The following CIBAR1 variants were observed in gnomAD, a reference collection of about 807,000 sequenced individuals.
CIBAR1 encodes CBY1 interacting BAR domain containing 1.
A neutral mutation model predicts 44.0 loss-of-function variants in CIBAR1; 25 were observed. The observed-to-expected ratio is 0.57, with a 90% confidence interval of 0.41 to 0.79. The LOEUF (loss-of-function observed/expected upper bound fraction) is 0.79, where lower values mean the gene tolerates loss of function less well. Ranked by LOEUF, CIBAR1 falls within the 30% of genes least tolerant of loss-of-function variation. The pLI, the probability that CIBAR1 is intolerant of heterozygous loss-of-function variation, is 0.00. For missense variants in CIBAR1, 278 were observed against 344.8 expected (o/e 0.81, Z 1.53); for synonymous variants, 115 against 119.0 (o/e 0.97, Z 0.22).
At chr8:93,705,202 A>C (rs550621760) in intron 4 of CIBAR1, 192 bp downstream of exon 4, 179 of 502,294 alleles carry the variant, frequency 3.6e-4, no homozygotes, top group African/African-American at 3.4e-3. Flanking sequence ...AAATCCCCTT[A>C]TATTGTTTTA....
chr8:93,703,895 T>G (rs1411689578), intron 3 of CIBAR1, among the ~76,000 whole-genome samples: 1 of 151,852 alleles, frequency 6.6e-6, no homozygotes, highest in African/African-American at 2.4e-5. Flanking sequence ...AAACCCCGTC[T>G]CTACTAAAAA....
intron 6 of CIBAR1, among the ~76,000 whole-genome samples, chr8:93,713,041 T>TG (rs1810893362): frequency 6.9e-6 from 1 of 145,690 alleles, no homozygotes; most frequent in African/African-American, 2.5e-5. Flanking sequence ...TTCTTTTTTT[T>TG]TTTTTTTTCG....
At chr8:93,711,022 A>T (rs752214002) in intron 6 of CIBAR1, among the ~76,000 whole-genome samples, 3 of 152,234 alleles carry the variant, frequency 2.0e-5, no homozygotes, top group Non-Finnish European at 4.4e-5. Flanking sequence ...GGGTAATAGT[A>T]GCCAACCACG....
chr8:93,722,679 G>A (rs1372610968), intron 7 of CIBAR1, among the ~76,000 whole-genome samples: 3 of 151,844 alleles, frequency 2.0e-5, no homozygotes, highest in Non-Finnish European at 4.4e-5. Context: ...CAGCCTGGGT[G>A]ACAGGGTGAG....
At chr8:93,706,574 C>T (rs1810590967) in intron 4 of CIBAR1, among the ~76,000 whole-genome samples, 1 of 152,118 alleles carries the variant, frequency 6.6e-6, no homozygotes, top group Non-Finnish European at 1.5e-5. Flanking sequence ...CTGGTGTCTA[C>T]AGTAAACACA....
intron 6 of CIBAR1, among the ~76,000 whole-genome samples, chr8:93,713,334 C>G (rs950557958): frequency 1.3e-5 from 2 of 152,046 alleles, no homozygotes; most frequent in Admixed American, 1.3e-4. Flanking sequence ...TGCCCGGCTC[C>G]TTTACCCTTA....
intron 6 of CIBAR1, among the ~76,000 whole-genome samples, chr8:93,715,215 C>A (rs1283892565): frequency 6.6e-6 from 1 of 152,088 alleles, no homozygotes; most frequent in Admixed American, 6.6e-5. Flanking sequence ...AATCACAATC[C>A]TGTTTGTTTC....
chr8:93,710,102 T>C (rs1461022519), intron 6 of CIBAR1, among the ~76,000 whole-genome samples: 3 of 151,696 alleles, frequency 2.0e-5, no homozygotes, highest in African/African-American at 7.3e-5. Flanking sequence ...CTGGGCAACA[T>C]GGAAAAACCC....
chr8:93,714,665 A>G (rs1282772909), intron 6 of CIBAR1, among the ~76,000 whole-genome samples: 8 of 150,272 alleles, frequency 5.3e-5, no homozygotes, highest in Admixed American at 5.3e-4. Flanking sequence ...TTTTTTTTTA[A>G]TAGAGCTGGT....
At position 93,730,075 on chromosome 8, in the gene CIBAR1, G is replaced by A. The variant is rs537878431; in HGVS notation, c.*1778G>A. The A allele has an allele frequency of 3.9e-5, 6 of 152,254 alleles. 1 individual carries two copies. In the East Asian group the frequency reaches 1.2e-3, roughly 29 times the overall value. 9.4% of individuals were successfully genotyped at this position (152,254 alleles called of 1,614,324 possible). A position where few individuals can be genotyped will look rare whatever the true frequency, so the allele number is the denominator to read the frequency against. On this transcript the variant is annotated 3_prime_UTR_variant, in exon 9 of 9. Coordinates refer to ENST00000518322, the MANE Select transcript of CIBAR1 (RefSeq NM_145269.5). The stretch of plus-strand genomic sequence containing the variant: ...TCATGTTGGCACTCAAAAAGTTTGT[G>A]ATTTTCGGAGCATGTGAAATTTCAG...
intron 6 of CIBAR1, among the ~76,000 whole-genome samples, chr8:93,717,663 C>T (rs1012239249): frequency 6.6e-6 from 1 of 152,144 alleles, no homozygotes; most frequent in African/African-American, 2.4e-5. Flanking sequence ...ATGACCACTC[C>T]TTTCTGGGTT....
intron 6 of CIBAR1, among the ~76,000 whole-genome samples, chr8:93,714,888 T>C (rs1563645573): frequency 6.6e-6 from 1 of 152,226 alleles, no homozygotes. Context: ...AGTCAGATTA[T>C]TGATACCACT....
rs1204710368 is a variant in CIBAR1, at chr8:93,730,803, A to C, written c.*2506A>C. On this transcript the variant is annotated 3_prime_UTR_variant, in exon 9 of 9. Coordinates refer to ENST00000518322, the MANE Select transcript of CIBAR1 (RefSeq NM_145269.5). ...AATCAACTTTTTATAATGAAGTTTA[A>C]AAATATTAAGCCCTGATACATTATA... 2 of 152,208 alleles carry C rather than the reference A, an allele frequency of 1.3e-5. No individual in the cohort carries two copies. The highest frequency in any genetic ancestry group is 2.9e-5 in the Non-Finnish European group (2 of 68,024). The allele number at this position is 152,208 out of a possible 1,614,324, so 9.4% of individuals were successfully genotyped here.
At position 93,729,269 on chromosome 8, in the gene CIBAR1, C is replaced by T. The variant is rs1281458271; in HGVS notation, c.*972C>T. 1 of 152,050 alleles carries T rather than the reference C, an allele frequency of 6.6e-6. No homozygotes were observed. Among genetic ancestry groups the T allele is most frequent in the East Asian group, 1.9e-4 (1 of 5,204 alleles). The allele number at this position is 152,050 out of a possible 1,614,324, so 9.4% of individuals were successfully genotyped here. On this transcript the variant is annotated 3_prime_UTR_variant, in exon 9 of 9. Coordinates refer to ENST00000518322, the MANE Select transcript of CIBAR1 (RefSeq NM_145269.5). Reference sequence around the variant, plus strand: ...AAGCTTCTGACTTTGTCAATCATGGCTCTGTTCTTAACAAAGCACTCCTTC... The same window carrying T: ...AAGCTTCTGACTTTGTCAATCATGGTTCTGTTCTTAACAAAGCACTCCTTC...
intron 8 of CIBAR1, chr8:93,727,339 A>AT: frequency 2.8e-5 from 14 of 496,358 alleles, no homozygotes; most frequent in Non-Finnish European, 4.1e-5. Flanking sequence ...ACCCAATTGT[A>AT]TTTTTTTTAT....
intron 8 of CIBAR1, among the ~76,000 whole-genome samples, chr8:93,727,930 TAG>T (rs145373470): frequency 0.02 from 3,024 of 152,198 alleles, 90 homozygotes; most frequent in African/African-American, 0.068. Context: ...ATTCATAATA[TAG>T]AGTCTATACT....
At position 93,725,398 on chromosome 8, in the gene CIBAR1, T is replaced by C. The variant is rs191549162; in HGVS notation, c.658-996T>C. On this transcript the variant is annotated intron_variant, in intron 7 of 8. Transcript: ENST00000518322. ...GAGAAGCCAGGACAATGAAAGAGTTTAGTAGCATTTAAGTTTCAGGAAGGG... is the reference window on the plus strand; with the variant it reads ...GAGAAGCCAGGACAATGAAAGAGTTCAGTAGCATTTAAGTTTCAGGAAGGG... Among the ~76,000 whole-genome samples the C allele has an allele frequency of 1.5e-3, 230 of 152,202 alleles. 2 individuals carry two copies. The highest frequency in any genetic ancestry group is 7.5e-3 in the Admixed American group (115 of 15,296).
Position 93,729,223 on chromosome 8 carries a change from G to A in CIBAR1, c.*926G>A, listed in dbSNP as rs1811688986. 1 of 152,030 alleles carries A rather than the reference G, an allele frequency of 6.6e-6. No homozygotes were observed. The highest frequency in any genetic ancestry group is 6.5e-5 in the Admixed American group (1 of 15,274). The allele number at this position is 152,030 out of a possible 1,614,324, so 9.4% of individuals were successfully genotyped here. A position where few individuals can be genotyped will look rare whatever the true frequency, so the allele number is the denominator to read the frequency against. ...TTAGAAAATGCAATTATTCATAACA[G>A]AAAAATAAAGACTTTCTAGAAAGCT... On this transcript the variant is annotated 3_prime_UTR_variant, in exon 9 of 9. Transcript: ENST00000518322.
In CIBAR1 at chr8:93,724,576, T is replaced by C. The variant is rs141779919; in HGVS notation, c.658-1818T>C. 1.7e-3 allele frequency: 2,162 copies of C among 1,277,578 alleles called. 23 individuals carry two copies. The African/African-American group carries it at 0.028, about 16-fold the overall frequency. The allele number at this position is 1,277,578 out of a possible 1,614,324, so 79.1% of individuals were successfully genotyped here. On this transcript the variant is annotated intron_variant, in intron 7 of 8. Transcript: ENST00000518322. The stretch of plus-strand genomic sequence containing the variant: ...CTGGGGCTCAAGCGATCCGCCTGCG[T>C]TGGCCTCCCAAAGTGTCAGGTGAGA...
Sources: gnomAD v4.1 joint callset for allele counts (sites outside exome capture counted in the v4.1 genomes callset) on GRCh38, gnomAD v4.1.1 for gene constraint, MANE v1.5 for transcripts, NCBI Gene and HGNC (gene_info 2026-07-23, HGNC 2026-07-21) for gene names.